The following DGKD variants were observed in gnomAD, a reference collection of about 807,000 sequenced individuals.
DGKD encodes the protein diacylglycerol kinase delta, also known as DAG kinase delta.
Under a neutral mutation model 154.4 loss-of-function variants are expected in DGKD, and 68 were observed. The ratio of observed to expected loss-of-function variants is 0.44; its 90% CI spans 0.36 to 0.54. DGKD has a LOEUF of 0.54. DGKD is among the 20% of genes least tolerant of loss of function. DGKD has a pLI of 0.00. For synonymous variants in DGKD, 693 were observed against 638.0 expected (o/e 1.09, Z -1.30); for missense variants, 1,343 against 1,593.6 (o/e 0.84, Z 2.68).
At chr2:233,428,922 A>G (rs2062411936) in intron 3 of DGKD, among the ~76,000 whole-genome samples, 1 of 152,130 alleles carries the variant, frequency 6.6e-6, no homozygotes, top group African/African-American at 2.4e-5. Flanking sequence ...GCCAAAACCC[A>G]GGTTCTCTGA....
chr2:233,466,940 A>G, intron 27 of DGKD, 146 bp from the exon 28 acceptor site: 1 of 672,854 alleles, frequency 1.5e-6, no homozygotes, highest in South Asian at 1.8e-5. Flanking sequence ...TCAATAAGGG[A>G]GAGAAGCCCT....
intron 3 of DGKD, among the ~76,000 whole-genome samples, chr2:233,400,672 A>ACCTGAGCTC (rs2061537904): frequency 6.6e-6 from 1 of 152,020 alleles, no homozygotes. Flanking sequence ...GAGTGTGCAG[A>ACCTGAGCTC]CCTGAGCTCC....
chr2:233,443,966 G>A (rs2062981813), intron 10 of DGKD, among the ~76,000 whole-genome samples: 2 of 152,192 alleles, frequency 1.3e-5, no homozygotes, highest in Admixed American at 6.5e-5. Context: ...CTCCATGGTG[G>A]CCTCTCCCTC....
At chr2:233,367,863 T>C (rs1434021002) in intron 1 of DGKD, among the ~76,000 whole-genome samples, 3 of 149,072 alleles carry the variant, frequency 2.0e-5, no homozygotes, top group Non-Finnish European at 3.0e-5. Context: ...TTTTTTTTTT[T>C]TTTTTTTAAT....
At chr2:233,463,877 C>T in intron 26 of DGKD, 1 of 418,350 alleles carries the variant, frequency 2.4e-6, no homozygotes, top group Non-Finnish European at 4.4e-6. Context: ...AGGTGAATGG[C>T]TCCGACCCCA....
In DGKD at chr2:233,456,980, A is replaced by G; in HGVS notation, c.2457A>G (p.Gln819=). 1 of 1,614,108 alleles carries G rather than the reference A, an allele frequency of 6.2e-7. No individual in the cohort carries two copies. The highest frequency in any genetic ancestry group is 8.5e-7 in the Non-Finnish European group (1 of 1,179,952). The change falls in exon 20 of 30, where the codon CAA becomes CAG. Residue 819 remains glutamine (Q), a synonymous_variant. Coordinates refer to ENST00000264057, the MANE Select transcript of DGKD (RefSeq NM_152879.3). Reference sequence around the variant, plus strand: ...ACAGAACCTACAAGAACCTGGAGCAAAAGGTCTTGCTGGAGGTGAGTGGGA... The same window carrying G: ...ACAGAACCTACAAGAACCTGGAGCAGAAGGTCTTGCTGGAGGTGAGTGGGA... ...LLHRTYKNLE[Q]KVLLECDGRP...
Position 233,452,540 on chromosome 2 carries a change from T to C in DGKD, c.2264+480T>C, listed in dbSNP as rs1245521810. On this transcript the variant is annotated intron_variant, in intron 18 of 29. Transcript: ENST00000264057. This position sits in a 1 kb window ranked among gnomAD's most constrained non-coding sequence, Gnocchi z 4.0. ...CCACAGACTCTGAGCTGGAGGGTCCTCTGTGTGTCTCCCTTGTGTCTCCGA... is the reference window on the plus strand; with the variant it reads ...CCACAGACTCTGAGCTGGAGGGTCCCCTGTGTGTCTCCCTTGTGTCTCCGA... Among the ~76,000 whole-genome samples the C allele has an allele frequency of 6.6e-6, 1 of 152,180 alleles. No homozygotes were observed. Among genetic ancestry groups the C allele is most frequent in the Non-Finnish European group, 1.5e-5 (1 of 68,028 alleles).
chr2:233,397,887 G>C (rs2061458922), intron 3 of DGKD, among the ~76,000 whole-genome samples: 1 of 151,960 alleles, frequency 6.6e-6, no homozygotes, highest in African/African-American at 2.4e-5. Flanking sequence ...GAGTACAGCA[G>C]CAGGCTGGTT....
At chr2:233,369,030 CT>C (rs1244714883) in intron 1 of DGKD, among the ~76,000 whole-genome samples, 2 of 152,176 alleles carry the variant, frequency 1.3e-5, no homozygotes, top group Non-Finnish European at 2.9e-5. Flanking sequence ...CTTTGTTTTC[CT>C]TTTTTGGATT....
intron 1 of DGKD, among the ~76,000 whole-genome samples, chr2:233,376,910 C>T (rs995455090): frequency 6.6e-6 from 1 of 152,078 alleles, no homozygotes; most frequent in Admixed American, 6.5e-5. Flanking sequence ...TTCCCTGTCT[C>T]ATCTACCCTG....
Position 233,434,454 on chromosome 2 carries a change from A to G in DGKD, c.423A>G (p.Leu141=), listed in dbSNP as rs1024365787. Residue 141 remains leucine, a synonymous_variant, in exon 4 of 30, where the codon TTA becomes TTG. Coordinates refer to ENST00000264057, the MANE Select transcript of DGKD (RefSeq NM_152879.3). ...RKEMEDWIAA[L]KTVQNREHFE... ...AAATGGAAGATTGGATTGCAGCATT[A>G]AAGACTGTGCAGAACAGGGAGCACT... The G allele has an allele frequency of 1.2e-6, 2 of 1,614,206 alleles. No homozygotes were observed. Among genetic ancestry groups the G allele is most frequent in the Middle Eastern group, 1.6e-4 (1 of 6,062 alleles).
chr2:233,413,569 C>T (rs1215372813), intron 3 of DGKD, among the ~76,000 whole-genome samples: 4 of 152,188 alleles, frequency 2.6e-5, no homozygotes, highest in Non-Finnish European at 4.4e-5. Context: ...CGCCCCCGAA[C>T]CATGCCTGGC....
chr2:233,367,851 C>CTTTTT lies in DGKD; in HGVS notation c.156+13192_156+13196dup, dbSNP rs66652929. Reference sequence around the variant, plus strand: ...GGTCTTTTCTTCCTCTTTTTTTTTTCTTTTTTTTTTTTTTTTTTTAATAGA... The same window carrying CTTTTT: ...GGTCTTTTCTTCCTCTTTTTTTTTTCTTTTTTTTTTTTTTTTTTTTTTTTAATAGA... On this transcript the variant is annotated intron_variant, in intron 1 of 29. Transcript: ENST00000264057. Among the ~76,000 whole-genome samples, 22 of 124,054 alleles carry CTTTTT rather than the reference C, an allele frequency of 1.8e-4. 1 individual carries two copies. The highest frequency in any genetic ancestry group is 2.5e-4 in the Non-Finnish European group (15 of 60,100). 81.4% of individuals were successfully genotyped at this position (124,054 alleles called of 152,430 possible).
At chr2:233,382,477 A>T (rs1702951897) in intron 1 of DGKD, among the ~76,000 whole-genome samples, 1 of 151,646 alleles carries the variant, frequency 6.6e-6, no homozygotes, top group South Asian at 2.1e-4. Flanking sequence ...CATTTGGCTA[A>T]TTTTCTTTCC....
At chr2:233,372,936 C>T (rs1469895936) in intron 1 of DGKD, among the ~76,000 whole-genome samples, 1 of 152,198 alleles carries the variant, frequency 6.6e-6, no homozygotes, top group Non-Finnish European at 1.5e-5. Flanking sequence ...TAAAAAGTTG[C>T]AAGCCACCCC....
At position 233,449,094 on chromosome 2, in the gene DGKD, C is replaced by T. The variant is rs765185330; in HGVS notation, c.1615-9C>T. On this transcript the variant is annotated splice_polypyrimidine_tract_variant and intron_variant, in intron 14 of 29. Transcript: ENST00000264057. The surrounding 1 kb of genome is among the most constrained non-coding windows in gnomAD (Gnocchi z 5.3). ...TCAGCTCTGCATGCCATTTCCTTTC[C>T]TTGTTCAGTGCTCTGTCCTGAAAGA... 27 of 1,580,178 alleles carry T rather than the reference C, an allele frequency of 1.7e-5. No homozygotes were observed. Among genetic ancestry groups the T allele is most frequent in the Non-Finnish European group, 2.3e-5 (27 of 1,154,820 alleles).
Position 233,441,787 on chromosome 2 carries a change from C to A in DGKD, c.1086-100C>A. ...GTGCTCTGCCTCTGGTGCAGGTCAGCCATGAGGAGCACAGGTGGCCCCTCA... is the reference window on the plus strand; with the variant it reads ...GTGCTCTGCCTCTGGTGCAGGTCAGACATGAGGAGCACAGGTGGCCCCTCA... On this transcript the variant is annotated intron_variant, in intron 9 of 29. Coordinates refer to ENST00000264057, the MANE Select transcript of DGKD (RefSeq NM_152879.3). This position sits in a 1 kb window ranked among gnomAD's most constrained non-coding sequence, Gnocchi z 5.6. 9.2e-7 allele frequency: 1 copy of A among 1,092,470 alleles called. No homozygotes were observed. Among genetic ancestry groups the A allele is most frequent in the Middle Eastern group, 2.1e-4 (1 of 4,732 alleles). The allele number at this position is 1,092,470 out of a possible 1,614,324, so 67.7% of individuals were successfully genotyped here.
intron 27 of DGKD, among the ~76,000 whole-genome samples, chr2:233,465,223 A>C (rs1206338430): frequency 1.3e-5 from 2 of 152,236 alleles, no homozygotes; most frequent in Non-Finnish European, 2.9e-5. Flanking sequence ...AAGGTGATTA[A>C]GAAATTTTAC....
chr2:233,466,591 C>T (rs968247185), intron 27 of DGKD, among the ~76,000 whole-genome samples: 7 of 151,842 alleles, frequency 4.6e-5, no homozygotes, highest in Non-Finnish European at 8.8e-5. Flanking sequence ...GAGCAGAGGC[C>T]GAGCCTCTGT....
Sources: gnomAD v4.1 joint callset for allele counts (sites outside exome capture counted in the v4.1 genomes callset) on GRCh38, gnomAD v4.1.1 for gene constraint, Gnocchi (gnomAD v3.1) non-coding constraint, MANE v1.5 for transcripts, NCBI Gene and HGNC (gene_info 2026-07-23, HGNC 2026-07-21) for gene names.